Variants in HCN4 observed in about 807,000 individuals in gnomAD.
HCN4 encodes hyperpolarization activated cyclic nucleotide gated potassium channel 4, also known as potassium/sodium hyperpolarization-activated cyclic nucleotide-gated channel 4.
In HCN4, 29 loss-of-function variants were observed where a neutral mutation model predicts 76.9. The ratio of observed to expected loss-of-function variants is 0.38; its 90% confidence interval spans 0.28 to 0.51. The LOEUF is 0.51. Among genes scored for constraint, HCN4 ranks in the 20% least tolerant of loss-of-function variants. HCN4 has a pLI of 0.90. For synonymous variants in HCN4, 772 were observed against 762.5 expected (o/e 1.01, Z -0.21); for missense variants, 1,416 against 1,715.2 (o/e 0.83, Z 3.08).
intron 4 of HCN4, among the ~76,000 whole-genome samples, chr15:73,326,988 C>T (rs554967974): frequency 1.4e-3 from 216 of 151,948 alleles, no homozygotes; most frequent in Non-Finnish European, 2.1e-3. Context: ...GGTTTTGCCA[C>T]GTTGCCCAGG....
rs141229718 is a variant in HCN4 at position 73,356,633 on chromosome 15, C to A, written c.785+10853G>T. 8.2e-3 allele frequency among the ~76,000 whole-genome samples: 1,240 copies of A among 152,088 alleles called. 10 individuals are homozygous for A. Among genetic ancestry groups the A allele is most frequent in the Non-Finnish European group, 0.014 (931 of 67,976 alleles). ...GACTCTGCAAGGGTCTACACCACCC[C>A]TTTTTGATGGGATGGAGCTTGGGGC... On this transcript the variant is annotated intron_variant, in intron 1 of 7. Coordinates refer to ENST00000261917, the MANE Select transcript of HCN4 (RefSeq NM_005477.3).
In HCN4 at chr15:73,353,970, C is replaced by T. The variant is rs574872651; in HGVS notation, c.786-10162G>A. The stretch of plus-strand genomic sequence containing the variant: ...TAAATTGCTGTCTTCCTCCCACCCC[C>T]GCCTGGCCACTAGGGCTCTATTTTT... On this transcript the variant is annotated intron_variant, in intron 1 of 7. Coordinates refer to ENST00000261917, the MANE Select transcript of HCN4 (RefSeq NM_005477.3). Among the ~76,000 whole-genome samples, 58 of 152,246 alleles carry T rather than the reference C, an allele frequency of 3.8e-4. 2 individuals carry two copies. In the South Asian group the frequency reaches 0.011, roughly 29 times the overall value.
chr15:73,327,729 A>G (rs142897023), intron 4 of HCN4, among the ~76,000 whole-genome samples: 45 of 152,072 alleles, frequency 3.0e-4, no homozygotes, highest in Admixed American at 1.6e-3. Flanking sequence ...AGCCAGGCTA[A>G]TTTCTCTGCC....
Position 73,367,899 on chromosome 15 carries a change from G to A in HCN4, c.372C>T (p.Asp124=). 7.2e-7 allele frequency: 1 copy of A among 1,385,492 alleles called. No homozygotes were observed. The highest frequency in any genetic ancestry group is 9.4e-7 in the Non-Finnish European group (1 of 1,069,176). 85.8% of individuals were successfully genotyped at this position (1,385,492 alleles called of 1,614,324 possible). The part of the protein sequence containing the change: ...GSGSSHGHLH[D]SAEERRLIAE... The stretch of plus-strand genomic sequence containing the variant: ...CGATGAGCCGCCGCTCCTCCGCGGA[G>A]TCATGCAGGTGTCCGTGACTGCTGC... The change falls in exon 1 of 8, where the codon GAC becomes GAT. Residue 124 remains aspartate (D), a synonymous_variant. Coordinates refer to ENST00000261917, the MANE Select transcript of HCN4 (RefSeq NM_005477.3). The surrounding 1 kb of genome is among the most constrained non-coding windows in gnomAD (Gnocchi z 7.5).
chr15:73,324,996 C>T lies in HCN4; in HGVS notation c.1937G>A (p.Gly646Asp), dbSNP rs780354941. The change falls in exon 6 of 8, where the codon GGC becomes GAC. Residue 646 changes from glycine to aspartate, a missense_variant. This residue lies in a region of HCN4 where 241 missense variants were observed against 379.4 expected (regional missense o/e 0.64). Coordinates refer to ENST00000261917, the MANE Select transcript of HCN4 (RefSeq NM_005477.3). The stretch of plus-strand genomic sequence containing the variant: ...GTCGGCCAGCTTGGTCTCCTTGTTG[C>T]CCTTGGTGAGCACGCTGACCACGCC... ...QHGVVSVLTKGNKETKLADGS... is the reference protein window; with the variant it reads ...QHGVVSVLTKDNKETKLADGS... 1 of 1,614,184 alleles carries T rather than the reference C, an allele frequency of 6.2e-7. No homozygotes were observed. Among genetic ancestry groups the T allele is most frequent in the East Asian group, 2.2e-5 (1 of 44,860 alleles).
At chr15:73,324,423 G>A (rs1033837782) in intron 6 of HCN4, among the ~76,000 whole-genome samples, 170 bp from the exon 7 acceptor site, 3 of 152,234 alleles carry the variant, frequency 2.0e-5, no homozygotes, top group African/African-American at 7.2e-5. Flanking sequence ...CCAAATGGGG[G>A]CTGGACAGAC....
chr15:73,335,050 GA>G (rs889006496), intron 2 of HCN4, among the ~76,000 whole-genome samples: 31 of 148,034 alleles, frequency 2.1e-4, no homozygotes, highest in East Asian at 9.9e-4. Context: ...CTACAAGTCA[GA>G]AAAAAAAAAG....
chr15:73,341,069 G>GGGGTGTGTGTGT (rs1491312112), intron 2 of HCN4: 10 of 145,856 alleles, frequency 6.9e-5, no homozygotes, highest in African/African-American at 2.6e-4. Flanking sequence ...GAGGGAGGTA[G>GGGGTGTGTGTGT]GTGTGTGTGT....
Position 73,325,140 on chromosome 15 carries a change from T to A in HCN4, c.1793A>T (p.Asn598Ile). ...KLVASMPLFA[N>I]ADPNFVTSML... ...GGACGTCACGAAGTTGGGGTCCGCA[T>A]TGGCAAACAGTGGCATGGAGGCCAC... is the stretch of plus-strand genomic sequence containing the variant. The change falls in exon 6 of 8, where the codon AAT becomes ATT. Residue 598 changes from asparagine (N) to isoleucine (I), a missense_variant. Asn to Ile is a moderately radical substitution (Grantham distance 149, BLOSUM62 -3). Transcript: ENST00000261917. This position sits in a 1 kb window ranked among gnomAD's most constrained non-coding sequence, Gnocchi z 7.4. The A allele has an allele frequency of 6.2e-7, 1 of 1,614,198 alleles. No individual in the cohort carries two copies. The highest frequency in any genetic ancestry group is 8.5e-7 in the Non-Finnish European group (1 of 1,180,036).
Position 73,334,782 on chromosome 15 carries a change from G to A in HCN4, c.1210-2490C>T, listed in dbSNP as rs74361032. Among the ~76,000 whole-genome samples, 2,751 of 152,186 alleles carry A rather than the reference G, an allele frequency of 0.018. 154 individuals are homozygous for A. In the East Asian group the frequency reaches 0.19, roughly 11 times the overall value. ...CTAGCAAAGTGCTCTCTGCACACCCGTCATAGACGCAAGGGTGGGGCCATT... is the reference window on the plus strand; with the variant it reads ...CTAGCAAAGTGCTCTCTGCACACCCATCATAGACGCAAGGGTGGGGCCATT... On this transcript the variant is annotated intron_variant, in intron 2 of 7. Coordinates refer to ENST00000261917, the MANE Select transcript of HCN4 (RefSeq NM_005477.3).
chr15:73,360,405 C>T (rs576731439), intron 1 of HCN4, among the ~76,000 whole-genome samples: 3 of 152,292 alleles, frequency 2.0e-5, no homozygotes, highest in Admixed American at 2.0e-4. Flanking sequence ...AGGCTCCAGG[C>T]CAGCGGCTTG....
rs1224953221 is a variant in HCN4 at position 73,328,946 on chromosome 15, C to T, written c.1590+627G>A. Among the ~76,000 whole-genome samples the T allele has an allele frequency of 3.3e-5, 5 of 152,296 alleles. No individual in the cohort carries two copies. The highest frequency in any genetic ancestry group is 1.9e-4 in the East Asian group (1 of 5,164). On this transcript the variant is annotated intron_variant, in intron 4 of 7. Coordinates refer to ENST00000261917, the MANE Select transcript of HCN4 (RefSeq NM_005477.3). This position sits in a 1 kb window ranked among gnomAD's most constrained non-coding sequence, Gnocchi z 4.0. ...AACAGGGCAGCCTTCTCATTACAGA[C>T]ATGAGGGGCGTGGGGTGTCCAGAGA...
rs549872479 is a variant in HCN4, at chr15:73,349,266, T to C, written c.786-5458A>G. Among the ~76,000 whole-genome samples, 10 of 152,160 alleles carry C rather than the reference T, an allele frequency of 6.6e-5. No individual in the cohort carries two copies. In the South Asian group the frequency reaches 1.2e-3, roughly 19 times the overall value. The stretch of plus-strand genomic sequence containing the variant: ...TGAAAACAGTGAGAATGGAGGAGGA[T>C]GGCAGTCAATACTTTTTGGACACTT... On this transcript the variant is annotated intron_variant, in intron 1 of 7. Transcript: ENST00000261917.
chr15:73,324,705 C>T (rs2042888092), intron 6 of HCN4, among the ~76,000 whole-genome samples: 1 of 152,144 alleles, frequency 6.6e-6, no homozygotes. Flanking sequence ...ACCATGCTGG[C>T]CCCCTCAGCT....
chr15:73,368,137 C>A lies in HCN4; in HGVS notation c.134G>T (p.Arg45Leu), dbSNP rs1416460262. 1.2e-5 allele frequency: 18 copies of A among 1,516,628 alleles called. No homozygotes were observed. The highest frequency in any genetic ancestry group is 2.9e-5 in the African/African-American group (2 of 69,534). 93.9% of individuals were successfully genotyped at this position (1,516,628 alleles called of 1,614,324 possible). The change falls in exon 1 of 8, where the codon CGC becomes CTC. Residue 45 changes from arginine to leucine, a missense_variant. Transcript: ENST00000261917. This position sits in a 1 kb window ranked among gnomAD's most constrained non-coding sequence, Gnocchi z 6.9. ...CAGTGGCCGCAGCCGGATGCTCCTG[C>A]GGCTGGGGTCTTGGCGGCCCCCGGC... ...EGAGGRQDPS[R>L]RSIRLRPLPS...
At chr15:73,361,323 G>A (rs2043103898) in intron 1 of HCN4, among the ~76,000 whole-genome samples, 1 of 152,168 alleles carries the variant, frequency 6.6e-6, no homozygotes. Flanking sequence ...CCTTGGGACT[G>A]CAGACTTCTA....
chr15:73,326,796 T>TA (rs969945622), intron 4 of HCN4, among the ~76,000 whole-genome samples: 1,464 of 142,076 alleles, frequency 0.01, 25 homozygotes, highest in African/African-American at 0.034. Context: ...TTTATTTATT[T>TA]TTTTTGTTAA....
rs988840779 is a variant in HCN4, at chr15:73,323,121, A to G, written c.2972T>C (p.Leu991Pro). Residue 991 changes from leucine to proline, a missense_variant, in exon 8 of 8, where the codon CTG becomes CCG. Coordinates refer to ENST00000261917, the MANE Select transcript of HCN4 (RefSeq NM_005477.3). ...ELSLGLATGP[L>P]STPETPPRQP... ...CCGTGGGGGTGTCTCTGGCGTGCTCAGTGGGCCAGTGGCCAGACCTAGGGA... is the reference window on the plus strand; with the variant it reads ...CCGTGGGGGTGTCTCTGGCGTGCTCGGTGGGCCAGTGGCCAGACCTAGGGA... The G allele has an allele frequency of 1.3e-6, 2 of 1,593,428 alleles. No homozygotes were observed. The highest frequency in any genetic ancestry group is 1.8e-5 in the Admixed American group (1 of 57,104).
rs749389306 is a variant in HCN4, at chr15:73,367,574, T to C, written c.697A>G (p.Met233Val). The C allele has an allele frequency of 1.2e-6, 2 of 1,613,916 alleles. No individual in the cohort carries two copies. The highest frequency in any genetic ancestry group is 2.2e-5 in the South Asian group (2 of 91,078). The change falls in exon 1 of 8, where the codon ATG (methionine) becomes GTG (valine). Residue 233 changes from methionine (M) to valine (V), a missense_variant. By Grantham distance (21) the Met-to-Val change is conservative. Coordinates refer to ENST00000261917, the MANE Select transcript of HCN4 (RefSeq NM_005477.3). The surrounding 1 kb of genome is among the most constrained non-coding windows in gnomAD (Gnocchi z 7.5). ...QPGVNKFSLRMFGSQKAVERE... is the reference protein window; with the variant it reads ...QPGVNKFSLRVFGSQKAVERE... ...TCCACGGCTTTCTGGCTGCCGAACA[T>C]CCTTAGGGAGAATTTGTTGACCCCG...
Sources: allele counts gnomAD v4.1 joint callset (sites outside exome capture counted in the v4.1 genomes callset), GRCh38; gene constraint gnomAD v4.1.1; regional missense constraint gnomAD v4.1.1; non-coding constraint Gnocchi (gnomAD v3.1); transcripts MANE v1.5; gene names NCBI Gene and HGNC (gene_info 2026-07-23, HGNC 2026-07-21).